The following ADAMTSL1 variants were observed in gnomAD, a reference collection of about 807,000 sequenced individuals.
The protein encoded by ADAMTSL1 is ADAMTS like 1, also known as ADAMTS-like protein 1.
ADAMTSL1 carries 126 observed loss-of-function variants against 201.8 expected under a neutral mutation model. The ratio of observed to expected loss-of-function variants is 0.62; its 90% confidence interval spans 0.54 to 0.72. The LOEUF (loss-of-function observed/expected upper bound fraction) is 0.72. Ranked by LOEUF, ADAMTSL1 falls within the 30% of genes least tolerant of loss-of-function variation. The probability of loss-of-function intolerance (pLI) is 0.00; values close to 1 mark genes in which losing one functional copy is unlikely to be tolerated. For synonymous variants in ADAMTSL1, 1,121 were observed against 903.4 expected (o/e 1.24, Z -4.32); for missense variants, 2,679 against 2,277.8 (o/e 1.18, Z -3.59).
chr9:18,831,283 T>C (rs1395940433), intron 23 of ADAMTSL1, among the ~76,000 whole-genome samples: 1 of 152,244 alleles, frequency 6.6e-6, no homozygotes, highest in African/African-American at 2.4e-5. Flanking sequence ...TAATAGAAGC[T>C]TCAAATTGCA....
intron 2 of ADAMTSL1, among the ~76,000 whole-genome samples, chr9:18,342,912 T>A (rs1300908593): frequency 6.6e-6 from 1 of 152,168 alleles, no homozygotes; most frequent in Non-Finnish European, 1.5e-5. Flanking sequence ...CGGTACTTCC[T>A]GTAATATAGC....
At chr9:18,767,014 A>AG (rs1820404032) in intron 16 of ADAMTSL1, among the ~76,000 whole-genome samples, 1 of 152,152 alleles carries the variant, frequency 6.6e-6, no homozygotes, top group African/African-American at 2.4e-5. Context: ...CTTGGATGTC[A>AG]GGGGAAGGGT....
chr9:18,782,274 AC>A (rs1209236727), intron 19 of ADAMTSL1, among the ~76,000 whole-genome samples: 1 of 152,220 alleles, frequency 6.6e-6, no homozygotes, highest in Non-Finnish European at 1.5e-5. Flanking sequence ...TTAAGTATTT[AC>A]TAACCTAACT....
At chr9:18,882,650 G>T (rs1210710980) in intron 23 of ADAMTSL1, among the ~76,000 whole-genome samples, 1 of 152,096 alleles carries the variant, frequency 6.6e-6, no homozygotes. Context: ...TAGATGCCTA[G>T]ATGCCGCCAG....
intron 2 of ADAMTSL1, among the ~76,000 whole-genome samples, chr9:18,277,320 T>C (rs939754630): frequency 6.6e-6 from 1 of 152,228 alleles, no homozygotes; most frequent in African/African-American, 2.4e-5. Context: ...GGATGATCTA[T>C]CCATTATTTA....
At chr9:18,406,206 G>GC (rs1383295218) in intron 2 of ADAMTSL1, among the ~76,000 whole-genome samples, 3 of 152,096 alleles carry the variant, frequency 2.0e-5, no homozygotes, top group African/African-American at 7.2e-5. Flanking sequence ...AAATCACAGG[G>GC]CCTTTGGTGA....
intron 2 of ADAMTSL1, among the ~76,000 whole-genome samples, chr9:18,313,346 A>G (rs1283274435): frequency 1.3e-5 from 2 of 152,308 alleles, no homozygotes; most frequent in East Asian, 1.9e-4. Flanking sequence ...ATTCACTGGG[A>G]AAAATGCTGT....
intron 2 of ADAMTSL1, among the ~76,000 whole-genome samples, chr9:18,375,109 A>G (rs56124981): frequency 0.02 from 3,051 of 152,330 alleles, 47 homozygotes; most frequent in Non-Finnish European, 0.028. Context: ...GACAAGAAGA[A>G]TGTGCCAGCC....
At chr9:17,998,742 G>A (rs1043009982) in intron 1 of ADAMTSL1, among the ~76,000 whole-genome samples, 2 of 151,976 alleles carry the variant, frequency 1.3e-5, no homozygotes, top group African/African-American at 4.8e-5. Flanking sequence ...TCCTGTCTAG[G>A]AGGTAGGCTT....
chr9:18,212,021 G>A (rs1829890300), intron 2 of ADAMTSL1, among the ~76,000 whole-genome samples: 1 of 152,108 alleles, frequency 6.6e-6, no homozygotes, highest in Non-Finnish European at 1.5e-5. Context: ...CAGAACCTGG[G>A]ACTCTCCTAG....
intron 1 of ADAMTSL1, among the ~76,000 whole-genome samples, chr9:18,032,762 T>C (rs955427421): frequency 1.4e-4 from 22 of 152,200 alleles, no homozygotes; most frequent in Admixed American, 1.4e-3. Context: ...GTGGGGGTTG[T>C]GGTATCTCTT....
intron 2 of ADAMTSL1, among the ~76,000 whole-genome samples, chr9:18,185,856 T>C (rs150520173): frequency 3.5e-4 from 3 of 8,594 alleles, no homozygotes; most frequent in Non-Finnish European, 5.8e-3. Context: ...GTAATACAAT[T>C]GGGAAAAAAG....
chr9:18,153,965 A>G (rs1391396780), intron 1 of ADAMTSL1, among the ~76,000 whole-genome samples: 1 of 152,048 alleles, frequency 6.6e-6, no homozygotes, highest in Non-Finnish European at 1.5e-5. Flanking sequence ...ATACAGGGAA[A>G]TTCTGGCAGC....
chr9:17,930,275 C>G (rs1255987284), intron 1 of ADAMTSL1, among the ~76,000 whole-genome samples: 1 of 152,098 alleles, frequency 6.6e-6, no homozygotes, highest in African/African-American at 2.4e-5. Flanking sequence ...TAACACATAG[C>G]TTCCAAGGTC....
chr9:17,980,003 G>T (rs919989806), intron 1 of ADAMTSL1, among the ~76,000 whole-genome samples: 1 of 152,084 alleles, frequency 6.6e-6, no homozygotes, highest in Non-Finnish European at 1.5e-5. Flanking sequence ...ATTCAATAGG[G>T]TGAGCATAGT....
intron 17 of ADAMTSL1, among the ~76,000 whole-genome samples, chr9:18,774,821 T>A (rs1820882915): frequency 6.6e-6 from 1 of 152,200 alleles, no homozygotes; most frequent in South Asian, 2.1e-4. Context: ...TTTTGGCAAT[T>A]ATGAATCATA....
At chr9:18,694,702 T>G (rs1249273557) in intron 13 of ADAMTSL1, among the ~76,000 whole-genome samples, 2 of 152,156 alleles carry the variant, frequency 1.3e-5, no homozygotes, top group Non-Finnish European at 2.9e-5. Flanking sequence ...TTTTCTAGGT[T>G]CATGGTGCAA....
At chr9:18,451,743 G>C (rs1820414091) in intron 2 of ADAMTSL1, among the ~76,000 whole-genome samples, 1 of 152,212 alleles carries the variant, frequency 6.6e-6, no homozygotes, top group Non-Finnish European at 1.5e-5. Flanking sequence ...TACTATAACA[G>C]AATACTACAG....
intron 22 of ADAMTSL1, among the ~76,000 whole-genome samples, chr9:18,829,185 A>G (rs1203273465): frequency 1.3e-5 from 2 of 152,200 alleles, no homozygotes; most frequent in Admixed American, 1.3e-4. Flanking sequence ...TTTAGCATTA[A>G]CTGGGAACTC....
Sources: gnomAD v4.1 joint callset for allele counts (sites outside exome capture counted in the v4.1 genomes callset) on GRCh38, gnomAD v4.1.1 for gene constraint, MANE v1.5 for transcripts, NCBI Gene and HGNC (gene_info 2026-07-23, HGNC 2026-07-21) for gene names.